The following PDE10A variants were observed in gnomAD, a reference collection of about 807,000 sequenced individuals.
PDE10A encodes the protein cAMP and cAMP-inhibited cGMP 3',5'-cyclic phosphodiesterase 10A.
A neutral mutation model predicts 97.7 loss-of-function variants in PDE10A; 39 were observed. The observed-to-expected ratio is 0.40, with a 90% CI of 0.31 to 0.52. The LOEUF (loss-of-function observed/expected upper bound fraction) is 0.52. PDE10A is among the 20% of genes least tolerant of loss of function. The probability of loss-of-function intolerance (pLI) is 0.56; values close to 1 mark genes in which losing one functional copy is unlikely to be tolerated. For missense variants in PDE10A, 731 were observed against 1,047.8 expected, an observed-to-expected ratio of 0.70 and a Z score of 4.17; for synonymous variants, 371 against 376.8, an observed-to-expected ratio of 0.98 and a Z score of 0.18.
At chr6:165,691,795 G>C (rs1226243134) in intron 1 of PDE10A, among the ~76,000 whole-genome samples, 2 of 152,244 alleles carry the variant, frequency 1.3e-5, no homozygotes, top group African/African-American at 4.8e-5. Flanking sequence ...CCCTGAGGCA[G>C]CCTGGCTGCG....
intron 3 of PDE10A, among the ~76,000 whole-genome samples, 183 bp from the exon 4 acceptor site, chr6:165,450,545 A>G (rs901751163): frequency 6.6e-6 from 1 of 152,058 alleles, no homozygotes; most frequent in African/African-American, 2.4e-5. Context: ...TGAAAATTAA[A>G]ATTGCTATGA....
intron 18 of PDE10A, among the ~76,000 whole-genome samples, chr6:165,348,732 C>G (rs182049501): frequency 7.8e-4 from 119 of 152,346 alleles, no homozygotes; most frequent in African/African-American, 2.7e-3. Context: ...ATAATCTCCA[C>G]ATGTTGTGGG....
chr6:165,879,551 C>T (rs943764531), intron 1 of PDE10A, among the ~76,000 whole-genome samples: 1 of 152,214 alleles, frequency 6.6e-6, no homozygotes, highest in African/African-American at 2.4e-5. Context: ...AAGGTCCCTA[C>T]AGCCATCCCT....
In PDE10A at chr6:165,350,989, G is replaced by A. The variant is rs146871414; in HGVS notation, c.2784-7487C>T. ...ATGTCTTTATTAGCAGCATGAGAACGGACTAATACACTGTCTAAGAATCGA... is the reference window on the plus strand; with the variant it reads ...ATGTCTTTATTAGCAGCATGAGAACAGACTAATACACTGTCTAAGAATCGA... On this transcript the variant is annotated intron_variant, in intron 18 of 21. Transcript: ENST00000539869. Among the ~76,000 whole-genome samples, 490 of 152,118 alleles carry A rather than the reference G, an allele frequency of 3.2e-3. 4 individuals carry two copies. The highest frequency in any genetic ancestry group is 0.011 in the African/African-American group (456 of 41,504).
chr6:165,479,284 C>T (rs1054253704), intron 3 of PDE10A, among the ~76,000 whole-genome samples: 1 of 152,180 alleles, frequency 6.6e-6, no homozygotes, highest in African/African-American at 2.4e-5. Flanking sequence ...CTACCTGTTT[C>T]CACTCTTACT....
At chr6:165,560,599 A>T (rs1192366916) in intron 1 of PDE10A, among the ~76,000 whole-genome samples, 1 of 152,264 alleles carries the variant, frequency 6.6e-6, no homozygotes, top group African/African-American at 2.4e-5. Flanking sequence ...TTTCTAAAGT[A>T]AATTCTAAAA....
chr6:165,906,510 A>G (rs1304338192), intron 1 of PDE10A, among the ~76,000 whole-genome samples: 1 of 152,172 alleles, frequency 6.6e-6, no homozygotes, highest in Non-Finnish European at 1.5e-5. Context: ...CATGAAATGA[A>G]CTTGGTGGGT....
chr6:165,485,541 G>A (rs1389380075), intron 2 of PDE10A, among the ~76,000 whole-genome samples: 1 of 149,774 alleles, frequency 6.7e-6, no homozygotes, highest in Non-Finnish European at 1.5e-5. Context: ...CAAGAACACA[G>A]GCAATTATTG....
chr6:165,561,933 G>A (rs781719071), intron 1 of PDE10A, among the ~76,000 whole-genome samples: 1 of 152,134 alleles, frequency 6.6e-6, no homozygotes, highest in African/African-American at 2.4e-5. Context: ...TTCTAGTAGA[G>A]AAATAAGAGA....
chr6:165,676,067 G>GT (rs1369872806), intron 1 of PDE10A, among the ~76,000 whole-genome samples: 2 of 152,172 alleles, frequency 1.3e-5, no homozygotes, highest in South Asian at 2.1e-4. Context: ...AGGAAATCAT[G>GT]TTTTTTGCAG....
chr6:165,983,457 A>T (rs1469942641), intron 1 of PDE10A, among the ~76,000 whole-genome samples: 2 of 152,172 alleles, frequency 1.3e-5, no homozygotes, highest in Non-Finnish European at 2.9e-5. Context: ...TTTAGTTCTC[A>T]TGTTCAAAGT....
At chr6:165,770,653 G>A (rs758830722) in intron 1 of PDE10A, among the ~76,000 whole-genome samples, 2 of 152,070 alleles carry the variant, frequency 1.3e-5, no homozygotes, top group African/African-American at 4.8e-5. Flanking sequence ...ACTCAAGAAC[G>A]CCTCCCTCCT....
At chr6:165,550,815 T>C (rs1411112375) in intron 1 of PDE10A, among the ~76,000 whole-genome samples, 1 of 152,140 alleles carries the variant, frequency 6.6e-6, no homozygotes, top group Non-Finnish European at 1.5e-5. Flanking sequence ...CCTCCCACAA[T>C]TGAAATGTTC....
intron 18 of PDE10A, among the ~76,000 whole-genome samples, chr6:165,356,862 T>G (rs1456286449): frequency 6.6e-6 from 1 of 152,176 alleles, no homozygotes; most frequent in East Asian, 1.9e-4. Flanking sequence ...AATTTAAAAA[T>G]AAAGTCAGAT....
At chr6:165,439,674 G>A (rs1277758146) in intron 5 of PDE10A, among the ~76,000 whole-genome samples, 4 of 152,196 alleles carry the variant, frequency 2.6e-5, no homozygotes, top group African/African-American at 9.6e-5. Context: ...TGTGGTAACA[G>A]CAAATTTTTA....
At chr6:165,832,569 G>A (rs1306461791) in intron 1 of PDE10A, among the ~76,000 whole-genome samples, 1 of 152,148 alleles carries the variant, frequency 6.6e-6, no homozygotes, top group Non-Finnish European at 1.5e-5. Flanking sequence ...CCAACCCCAG[G>A]AACCCAGCTT....
chr6:165,987,076 G>T (rs1177643004), intron 1 of PDE10A, among the ~76,000 whole-genome samples: 2 of 152,116 alleles, frequency 1.3e-5, no homozygotes, highest in Non-Finnish European at 2.9e-5. Context: ...CGGGAGGAAG[G>T]AAGTTGCGGT....
chr6:165,710,401 C>T (rs745605432), intron 1 of PDE10A, among the ~76,000 whole-genome samples: 1 of 152,206 alleles, frequency 6.6e-6, no homozygotes, highest in Non-Finnish European at 1.5e-5. Context: ...TGGCCAAGTG[C>T]AAAGTCCTTT....
At chr6:165,420,994 C>G (rs764568268) in intron 10 of PDE10A, among the ~76,000 whole-genome samples, 1 of 152,002 alleles carries the variant, frequency 6.6e-6, no homozygotes, top group Non-Finnish European at 1.5e-5. Context: ...AAAATTCAAC[C>G]CAATCAAATT....
Sources: gnomAD v4.1 joint callset for allele counts (sites outside exome capture counted in the v4.1 genomes callset) on GRCh38, gnomAD v4.1.1 for gene constraint, MANE v1.5 for transcripts, NCBI Gene and HGNC (gene_info 2026-07-23, HGNC 2026-07-21) for gene names.